Variants in PTPRD observed in about 807,000 individuals in gnomAD.
PTPRD encodes the protein receptor-type tyrosine-protein phosphatase delta.
Under a neutral mutation model 214.5 loss-of-function variants are expected in PTPRD, and 34 were observed. The observed-to-expected ratio is 0.16, with a 90% confidence interval of 0.12 to 0.21. PTPRD has a LOEUF of 0.21. Among genes scored for constraint, PTPRD ranks in the 10% least tolerant of loss-of-function variants. The pLI, the probability that PTPRD is intolerant of heterozygous loss-of-function variation, is 1.00. For synonymous variants in PTPRD, 1,128 were observed against 845.7 expected, an observed-to-expected ratio of 1.33 and a Z score of -5.79; for missense variants, 2,545 against 2,398.7, an observed-to-expected ratio of 1.06 and a Z score of -1.27.
At chr9:9,767,435 A>G (rs2098715967) in intron 5 of PTPRD, among the ~76,000 whole-genome samples, 1 of 152,038 alleles carries the variant, frequency 6.6e-6, no homozygotes, top group Non-Finnish European at 1.5e-5. Context: ...TTAAACATCA[A>G]AAGAGAAAAT....
chr9:8,408,162 G>A (rs935422795), intron 35 of PTPRD, among the ~76,000 whole-genome samples: 2 of 152,156 alleles, frequency 1.3e-5, no homozygotes, highest in Non-Finnish European at 2.9e-5. Context: ...TGTAGACCCT[G>A]AGGAATGTAA....
At chr9:9,039,912 A>G (rs371465974) in intron 10 of PTPRD, among the ~76,000 whole-genome samples, 9 of 151,894 alleles carry the variant, frequency 5.9e-5, no homozygotes, top group South Asian at 2.1e-4. Flanking sequence ...CCTACCCCCA[A>G]TGTATTGTCA....
At chr9:10,535,267 GA>G (rs1340696653) in intron 2 of PTPRD, among the ~76,000 whole-genome samples, 7 of 152,220 alleles carry the variant, frequency 4.6e-5, no homozygotes, top group African/African-American at 1.7e-4. Context: ...AAATTGAGGG[GA>G]AAAGTCCAAA....
At chr9:9,791,728 A>G (rs1377325491) in intron 5 of PTPRD, among the ~76,000 whole-genome samples, 1 of 152,058 alleles carries the variant, frequency 6.6e-6, no homozygotes, top group Non-Finnish European at 1.5e-5. Context: ...CCTTTTAATT[A>G]TGTTTCCTAT....
chr9:8,993,743 G>A (rs1589446940), intron 11 of PTPRD, among the ~76,000 whole-genome samples: 4 of 152,146 alleles, frequency 2.6e-5, no homozygotes, highest in African/African-American at 7.2e-5. Flanking sequence ...TCCTGATGAA[G>A]GAAGAGTTTC....
At chr9:10,593,292 G>T (rs1277218623) in intron 2 of PTPRD, among the ~76,000 whole-genome samples, 1 of 152,020 alleles carries the variant, frequency 6.6e-6, no homozygotes, top group Non-Finnish European at 1.5e-5. Context: ...GCTCCCAGGA[G>T]ATACCCATGC....
At chr9:9,353,535 C>T (rs1053629783) in intron 9 of PTPRD, among the ~76,000 whole-genome samples, 13 of 151,412 alleles carry the variant, frequency 8.6e-5, no homozygotes, top group Non-Finnish European at 1.8e-4. Context: ...TGGAAAAATG[C>T]GGTCATTTAA....
chr9:10,597,680 T>G (rs1440578297), intron 2 of PTPRD, among the ~76,000 whole-genome samples: 1 of 151,784 alleles, frequency 6.6e-6, no homozygotes, highest in Non-Finnish European at 1.5e-5. Context: ...TTCATTAACT[T>G]CCACCAGAAG....
chr9:8,498,397 T>G (rs1035662810), intron 25 of PTPRD, among the ~76,000 whole-genome samples: 7 of 152,164 alleles, frequency 4.6e-5, no homozygotes, highest in Non-Finnish European at 1.0e-4. Context: ...TGCCTCAGCC[T>G]CCCTAGTAGC....
intron 2 of PTPRD, among the ~76,000 whole-genome samples, chr9:10,424,001 A>G (rs943052584): frequency 4.6e-5 from 7 of 152,008 alleles, no homozygotes; most frequent in African/African-American, 1.7e-4. Flanking sequence ...GAATTCAACA[A>G]ATTAATTGCG....
chr9:9,085,375 A>T (rs1306852179), intron 10 of PTPRD, among the ~76,000 whole-genome samples: 2 of 152,164 alleles, frequency 1.3e-5, no homozygotes, highest in Non-Finnish European at 2.9e-5. Context: ...TGCCAAGGAA[A>T]ATCTACAGCA....
At chr9:9,846,976 A>G (rs951993280) in intron 5 of PTPRD, among the ~76,000 whole-genome samples, 5 of 152,098 alleles carry the variant, frequency 3.3e-5, no homozygotes, top group Admixed American at 1.3e-4. Flanking sequence ...TCATGCCATA[A>G]AATATATATT....
intron 10 of PTPRD, among the ~76,000 whole-genome samples, chr9:9,056,569 G>T (rs1201615390): frequency 6.6e-6 from 1 of 152,176 alleles, no homozygotes; most frequent in Non-Finnish European, 1.5e-5. Context: ...TGGTAAATTT[G>T]TGCCAATGAG....
intron 9 of PTPRD, among the ~76,000 whole-genome samples, chr9:9,248,637 G>A (rs1033166339): frequency 6.6e-5 from 10 of 152,010 alleles, no homozygotes; most frequent in African/African-American, 2.2e-4. Context: ...AGGAATCTGA[G>A]GCTGTATAAA....
chr9:8,454,884 T>C (rs895893276), intron 33 of PTPRD, among the ~76,000 whole-genome samples: 47 of 151,678 alleles, frequency 3.1e-4, no homozygotes, highest in African/African-American at 1.1e-3. Context: ...ACCTATAAAA[T>C]ACTGCCACAA....
At chr9:9,785,682 GAAA>G (rs1235338868) in intron 5 of PTPRD, among the ~76,000 whole-genome samples, 2 of 152,060 alleles carry the variant, frequency 1.3e-5, no homozygotes, top group East Asian at 3.8e-4. Flanking sequence ...TGCTGGAACA[GAAA>G]AAGAATATTT....
chr9:8,689,581 C>T (rs2097761635), intron 12 of PTPRD, among the ~76,000 whole-genome samples: 1 of 152,140 alleles, frequency 6.6e-6, no homozygotes, highest in South Asian at 2.1e-4. Flanking sequence ...AATACGTATT[C>T]ACTACCATGA....
intron 2 of PTPRD, among the ~76,000 whole-genome samples, chr9:10,492,479 T>C (rs2040633909): frequency 6.6e-6 from 1 of 152,198 alleles, no homozygotes; most frequent in Admixed American, 6.5e-5. Context: ...ATTAGCTTTT[T>C]TTCATATGTT....
intron 5 of PTPRD, among the ~76,000 whole-genome samples, chr9:9,886,418 C>T (rs1317546884): frequency 6.6e-6 from 1 of 151,938 alleles, no homozygotes; most frequent in Non-Finnish European, 1.5e-5. Flanking sequence ...ACCTTGAGCC[C>T]GAAACTATTG....
Sources: allele counts gnomAD v4.1 joint callset (sites outside exome capture counted in the v4.1 genomes callset), GRCh38; gene constraint gnomAD v4.1.1; transcripts MANE v1.5; gene names NCBI Gene and HGNC (gene_info 2026-07-23, HGNC 2026-07-21).